Variants in HMCN1 observed in about 807,000 individuals in gnomAD.
The protein encoded by HMCN1 is hemicentin-1.
In HMCN1, 321 loss-of-function variants were observed where a neutral mutation model predicts 625.9. That is an observed-to-expected ratio of 0.51 (90% CI 0.47 to 0.56). The LOEUF (loss-of-function observed/expected upper bound fraction) is 0.56. Among genes scored for constraint, HMCN1 ranks in the 20% least tolerant of loss-of-function variants. The pLI is 0.00. For synonymous variants in HMCN1, 2,425 were observed against 2,417.6 expected (o/e 1.00, Z -0.09); for missense variants, 6,588 against 6,887.3 (o/e 0.96, Z 1.54).
intron 14 of HMCN1, 132 bp downstream of exon 14, chr1:185,966,047 G>A: frequency 1.4e-6 from 1 of 690,804 alleles, no homozygotes; most frequent in Non-Finnish European, 2.6e-6. Flanking sequence ...TCTCACTGGA[G>A]ACAATAGTTC....
At chr1:185,741,514 G>A (rs868831551) in intron 1 of HMCN1, among the ~76,000 whole-genome samples, 2 of 152,168 alleles carry the variant, frequency 1.3e-5, no homozygotes, top group South Asian at 2.1e-4. Flanking sequence ...TAGACTAAAT[G>A]AGACCATTAA....
intron 4 of HMCN1, among the ~76,000 whole-genome samples, chr1:185,882,873 T>C (rs1664397329): frequency 6.6e-6 from 1 of 152,108 alleles, no homozygotes; most frequent in Admixed American, 6.5e-5. Flanking sequence ...GGAGAGCATT[T>C]ACAAAGATGG....
intron 11 of HMCN1, among the ~76,000 whole-genome samples, chr1:185,950,266 G>A (rs1340229571): frequency 1.1e-4 from 17 of 150,480 alleles, no homozygotes; most frequent in East Asian, 5.8e-4. Flanking sequence ...AAGTATATGC[G>A]TCAGGTATGA....
chr1:185,988,607 T>A (rs1460747429), intron 20 of HMCN1, among the ~76,000 whole-genome samples: 2 of 152,228 alleles, frequency 1.3e-5, no homozygotes. Flanking sequence ...AGTAGAAGTT[T>A]AATGCATTTT....
chr1:186,110,974 A>ATTATTTTTTTTTTTTTTTTTTTTT (rs778503338), intron 71 of HMCN1, among the ~76,000 whole-genome samples: 1 of 59,952 alleles, frequency 1.7e-5, no homozygotes, highest in African/African-American at 1.5e-4. Flanking sequence ...ACCAGAGAAA[A>ATTATTTTTTTTTTTTTTTTTTTTT]TTCTTTTTTT....
chr1:185,787,021 T>C (rs139646125), intron 1 of HMCN1, among the ~76,000 whole-genome samples: 1 of 152,340 alleles, frequency 6.6e-6, no homozygotes, highest in East Asian at 1.9e-4. Flanking sequence ...TATTTTAATG[T>C]AATTTAATAA....
In HMCN1 at chr1:185,853,545, T is replaced by C. The variant is rs114811398; in HGVS notation, c.339+7449T>C. 3.2e-3 allele frequency among the ~76,000 whole-genome samples: 490 copies of C among 152,268 alleles called. 2 individuals carry two copies. Among genetic ancestry groups the C allele is most frequent in the African/African-American group, 0.011 (451 of 41,562 alleles). On this transcript the variant is annotated intron_variant, in intron 2 of 106. Coordinates refer to ENST00000271588, the MANE Select transcript of HMCN1 (RefSeq NM_031935.3). The stretch of plus-strand genomic sequence containing the variant: ...GCAGTTCGAGTTTTCTATTAGAGTT[T>C]CTGCTAGAGTAAAGAATTCTCTGAG...
At chr1:185,855,994 C>T (rs1236921724) in intron 2 of HMCN1, among the ~76,000 whole-genome samples, 1 of 152,176 alleles carries the variant, frequency 6.6e-6, no homozygotes, top group Admixed American at 6.5e-5. Flanking sequence ...TACATCCCTG[C>T]AATATATTCT....
At chr1:185,760,804 C>T (rs760678827) in intron 1 of HMCN1, among the ~76,000 whole-genome samples, 3 of 152,002 alleles carry the variant, frequency 2.0e-5, no homozygotes, top group Non-Finnish European at 2.9e-5. Flanking sequence ...GCTTTATATG[C>T]GTTAACAAAT....
At chr1:185,925,235 T>A (rs768099085) in intron 9 of HMCN1, 44 bp downstream of exon 9, 12 of 1,555,904 alleles carry the variant, frequency 7.7e-6, no homozygotes, top group Non-Finnish European at 9.8e-6. Flanking sequence ...GCATTTAACA[T>A]GTAAATATAA....
At chr1:185,846,540 C>T (rs1449560364) in intron 2 of HMCN1, among the ~76,000 whole-genome samples, 2 of 152,130 alleles carry the variant, frequency 1.3e-5, no homozygotes, top group African/African-American at 4.8e-5. Flanking sequence ...GTACATATAA[C>T]TTGGTTATTA....
At chr1:186,087,829 G>T (rs575501620) in intron 60 of HMCN1, 103 bp from the exon 61 acceptor site, 5 of 1,177,368 alleles carry the variant, frequency 4.2e-6, no homozygotes, top group Non-Finnish European at 5.1e-6. Context: ...TAGAACTGGG[G>T]CATTGAGCAT....
chr1:185,820,743 G>A (rs1660133810), intron 1 of HMCN1, among the ~76,000 whole-genome samples: 1 of 152,082 alleles, frequency 6.6e-6, no homozygotes, highest in Non-Finnish European at 1.5e-5. Context: ...TCATCAGAGA[G>A]TACTTTATGG....
rs150240957 is a variant in HMCN1, at chr1:186,167,289, C to T, written c.15574+347C>T. The stretch of plus-strand genomic sequence containing the variant: ...AAATCTATTTCATAAAATTCCATTG[C>T]GTAAGACTGCCAGAATGTTTGTTGA... On this transcript the variant is annotated intron_variant, in intron 100 of 106. Coordinates refer to ENST00000271588, the MANE Select transcript of HMCN1 (RefSeq NM_031935.3). Among the ~76,000 whole-genome samples, 4 of 152,234 alleles carry T rather than the reference C, an allele frequency of 2.6e-5. No individual in the cohort carries two copies. The East Asian group carries it at 5.8e-4, about 22-fold the overall frequency.
intron 32 of HMCN1, among the ~76,000 whole-genome samples, chr1:186,016,563 ACT>A (rs771811596): frequency 6.6e-6 from 1 of 151,982 alleles, no homozygotes; most frequent in Non-Finnish European, 1.5e-5. Flanking sequence ...ATAACAGGAA[ACT>A]CAGTCTCTGG....
chr1:186,141,897 G>C (rs1384348186), intron 89 of HMCN1, among the ~76,000 whole-genome samples: 1 of 152,168 alleles, frequency 6.6e-6, no homozygotes, highest in Non-Finnish European at 1.5e-5. Context: ...CTAGCATTGT[G>C]CTCCTCTACC....
intron 36 of HMCN1, among the ~76,000 whole-genome samples, chr1:186,031,428 T>C (rs1329066291): frequency 1.3e-5 from 2 of 152,096 alleles, no homozygotes; most frequent in Non-Finnish European, 2.9e-5. Context: ...TCTCTCTTAC[T>C]GCTTTCAAGA....
chr1:185,965,989 A>T, intron 14 of HMCN1, 74 bp downstream of exon 14: 1 of 1,000,844 alleles, frequency 1.0e-6, no homozygotes. Flanking sequence ...ATTTGTTAAA[A>T]CTTTGTTTTG....
Position 186,093,488 on chromosome 1 carries a change from A to C in HMCN1, c.10015A>C (p.Thr3339Pro). The change falls in exon 66 of 107, where the codon ACA (threonine) becomes CCA (proline). Residue 3339 changes from threonine (T) to proline (P), a missense_variant and splice_region_variant. Transcript: ENST00000271588. ...DRIFNLNVYV[T>P]PTIRGNKDEA... Reference sequence around the variant, plus strand: ...CTCTCACTTTCTGCACAACATAGTTACACCTACAATTAGGGGTAATAAAGA... The same window carrying C: ...CTCTCACTTTCTGCACAACATAGTTCCACCTACAATTAGGGGTAATAAAGA... The C allele has an allele frequency of 4.3e-6, 7 of 1,613,168 alleles. No individual in the cohort carries two copies. The highest frequency in any genetic ancestry group is 5.9e-6 in the Non-Finnish European group (7 of 1,179,460).
Sources: allele counts gnomAD v4.1 joint callset (sites outside exome capture counted in the v4.1 genomes callset), GRCh38; gene constraint gnomAD v4.1.1; transcripts MANE v1.5; gene names NCBI Gene and HGNC (gene_info 2026-07-23, HGNC 2026-07-21).